The following ADAM23 variants were observed in gnomAD, a reference collection of about 807,000 sequenced individuals.
ADAM23 encodes the protein ADAM metallopeptidase domain 23.
A neutral mutation model predicts 120.1 loss-of-function variants in ADAM23; 33 were observed. The observed-to-expected ratio is 0.27, with a 90% CI of 0.21 to 0.37. The LOEUF (loss-of-function observed/expected upper bound fraction) is 0.37, where lower values mean the gene tolerates loss of function less well. Ranked by LOEUF, ADAM23 falls within the 10% of genes least tolerant of loss-of-function variation. The pLI is 1.00. For missense variants in ADAM23, 862 were observed against 1,058.2 expected (o/e 0.81, Z 2.57); for synonymous variants, 367 against 375.2 (o/e 0.98, Z 0.25).
chr2:206,615,779 C>T (rs1698924362), intron 25 of ADAM23, among the ~76,000 whole-genome samples: 3 of 152,318 alleles, frequency 2.0e-5, no homozygotes, highest in African/African-American at 7.2e-5. Flanking sequence ...CTTCAAAAAC[C>T]AGCTTTTAAA....
rs777350226 is a variant in ADAM23, at chr2:206,445,466, C to G, written c.374C>G (p.Ser125Trp). The G allele has an allele frequency of 6.2e-7, 1 of 1,614,072 alleles. No homozygotes were observed. Among genetic ancestry groups the G allele is most frequent in the Admixed American group, 1.7e-5 (1 of 60,026 alleles). Reference sequence around the variant, plus strand: ...CTCATATATTACATCAACCAAGACTCGGAAAGCCCTTATCACGTTCTTGAC... The same window carrying G: ...CTCATATATTACATCAACCAAGACTGGGAAAGCCCTTATCACGTTCTTGAC... ...SRLIYYINQDSESPYHVLDTK... is the reference protein window; with the variant it reads ...SRLIYYINQDWESPYHVLDTK... The change falls in exon 2 of 26, where the codon TCG (serine) becomes TGG (tryptophan). Residue 125 changes from serine (S) to tryptophan (W), a missense_variant. Coordinates refer to ENST00000264377, the MANE Select transcript of ADAM23 (RefSeq NM_003812.4).
In ADAM23 at chr2:206,496,538, A is replaced by G. The variant is rs557077166; in HGVS notation, c.509+15230A>G. Among the ~76,000 whole-genome samples, 10 of 152,346 alleles carry G rather than the reference A, an allele frequency of 6.6e-5. No homozygotes were observed. In the South Asian group the frequency reaches 2.1e-3, roughly 32 times the overall value. Reference sequence around the variant, plus strand: ...GAAATTTATAGCACTAAATGCCCACAAGAGAAAGCAGGAAAGATCTAAAAT... The same window carrying G: ...GAAATTTATAGCACTAAATGCCCACGAGAGAAAGCAGGAAAGATCTAAAAT... On this transcript the variant is annotated intron_variant, in intron 3 of 25. Coordinates refer to ENST00000264377, the MANE Select transcript of ADAM23 (RefSeq NM_003812.4).
chr2:206,605,383 G>A (rs1301474112), intron 24 of ADAM23, among the ~76,000 whole-genome samples: 1 of 152,162 alleles, frequency 6.6e-6, no homozygotes, highest in Non-Finnish European at 1.5e-5. Context: ...TTGAAAAGAT[G>A]TAGCTTCTTA....
At chr2:206,615,643 A>T (rs952772060) in intron 25 of ADAM23, among the ~76,000 whole-genome samples, 1 of 152,152 alleles carries the variant, frequency 6.6e-6, no homozygotes, top group African/African-American at 2.4e-5. Flanking sequence ...GGAATGCCCC[A>T]TTGGTGTTCA....
chr2:206,502,932 G>A (rs1696420119), intron 3 of ADAM23, among the ~76,000 whole-genome samples: 3 of 152,092 alleles, frequency 2.0e-5, no homozygotes, highest in African/African-American at 4.8e-5. Context: ...TCCCCCAGGG[G>A]GAGCTATGTA....
intron 14 of ADAM23, 33 bp downstream of exon 14, chr2:206,565,101 G>C: frequency 6.2e-7 from 1 of 1,609,886 alleles, no homozygotes; most frequent in Non-Finnish European, 8.5e-7. Context: ...TTTGATATAT[G>C]CCTTTTGCTA....
chr2:206,457,158 G>A (rs2105855579), intron 2 of ADAM23, among the ~76,000 whole-genome samples: 1 of 152,232 alleles, frequency 6.6e-6, no homozygotes, highest in East Asian at 1.9e-4. Flanking sequence ...CCAATGCATT[G>A]GTAATAAATA....
intron 2 of ADAM23, among the ~76,000 whole-genome samples, chr2:206,454,500 G>A (rs1695255761): frequency 6.6e-6 from 1 of 152,120 alleles, no homozygotes; most frequent in African/African-American, 2.4e-5. Flanking sequence ...CAAATCTCCT[G>A]TTCTTCTCAC....
At chr2:206,529,065 A>G (rs1696997025) in intron 3 of ADAM23, among the ~76,000 whole-genome samples, 1 of 152,164 alleles carries the variant, frequency 6.6e-6, no homozygotes, top group Admixed American at 6.5e-5. Context: ...CACATTGTAT[A>G]GGGAGAAATA....
chr2:206,451,770 A>G (rs1695200358), intron 2 of ADAM23, among the ~76,000 whole-genome samples: 1 of 152,176 alleles, frequency 6.6e-6, no homozygotes, highest in Admixed American at 6.5e-5. Flanking sequence ...GTGAAGGTGG[A>G]AGGTTGTGAA....
At chr2:206,498,140 G>T (rs972717366) in intron 3 of ADAM23, among the ~76,000 whole-genome samples, 2 of 152,018 alleles carry the variant, frequency 1.3e-5, no homozygotes, top group Non-Finnish European at 2.9e-5. Context: ...CACAGAATTG[G>T]AAAAAACTAC....
At chr2:206,539,726 T>A (rs1697252506) in intron 4 of ADAM23, among the ~76,000 whole-genome samples, 1 of 152,208 alleles carries the variant, frequency 6.6e-6, no homozygotes, top group Admixed American at 6.5e-5. Context: ...CAAGATGGAT[T>A]GCTCTTTCTC....
intron 6 of ADAM23, among the ~76,000 whole-genome samples, chr2:206,545,465 G>A (rs1225893556): frequency 6.6e-6 from 1 of 152,092 alleles, no homozygotes; most frequent in African/African-American, 2.4e-5. Flanking sequence ...CAGCCTGGGC[G>A]ACAGAGCGAG....
At chr2:206,483,083 A>G (rs578081936) in intron 3 of ADAM23, among the ~76,000 whole-genome samples, 1 of 152,302 alleles carries the variant, frequency 6.6e-6, no homozygotes, top group South Asian at 2.1e-4. Context: ...AGACTGAAAA[A>G]TCAAGTCAGG....
chr2:206,487,806 A>T (rs1216966413), intron 3 of ADAM23, among the ~76,000 whole-genome samples: 2 of 152,166 alleles, frequency 1.3e-5, no homozygotes, highest in East Asian at 3.8e-4. Flanking sequence ...CCAGCGAGAG[A>T]GTGTGGTGAT....
At chr2:206,523,160 T>C (rs750867546) in intron 3 of ADAM23, among the ~76,000 whole-genome samples, 4 of 152,164 alleles carry the variant, frequency 2.6e-5, no homozygotes, top group Non-Finnish European at 5.9e-5. Context: ...GGCCTGCCTA[T>C]GTTTCCTGTC....
At chr2:206,580,155 T>A (rs1440975126) in intron 18 of ADAM23, among the ~76,000 whole-genome samples, 1 of 152,142 alleles carries the variant, frequency 6.6e-6, no homozygotes. Context: ...AATCATATCA[T>A]CAGCAAACAG....
intron 3 of ADAM23, among the ~76,000 whole-genome samples, chr2:206,526,028 A>G (rs1696937474): frequency 1.3e-5 from 2 of 152,084 alleles, no homozygotes; most frequent in South Asian, 4.1e-4. Flanking sequence ...GCTTCTCCAT[A>G]TGGAACTTCC....
chr2:206,612,460 G>A (rs574059720), intron 25 of ADAM23, among the ~76,000 whole-genome samples: 8 of 152,334 alleles, frequency 5.3e-5, no homozygotes, highest in South Asian at 2.1e-4. Context: ...TCTAAATGCT[G>A]CTATTGGGAA....
Sources: gnomAD v4.1 joint callset for allele counts (sites outside exome capture counted in the v4.1 genomes callset) on GRCh38, gnomAD v4.1.1 for gene constraint, MANE v1.5 for transcripts, NCBI Gene and HGNC (gene_info 2026-07-23, HGNC 2026-07-21) for gene names.